The following EYS variants were observed in gnomAD, a reference collection of about 807,000 sequenced individuals.
EYS encodes the protein protein eyes shut homolog.
A neutral mutation model predicts 282.1 loss-of-function variants in EYS; 250 were observed. The ratio of observed to expected loss-of-function variants is 0.89; its 90% CI spans 0.80 to 0.98. The LOEUF is 0.98. EYS is among the 50% of genes least tolerant of loss of function. The pLI is 0.00. For synonymous variants in EYS, 1,355 were observed against 1,282.9 expected, an observed-to-expected ratio of 1.06 and a Z score of -1.20; for missense variants, 4,016 against 3,709.0, an observed-to-expected ratio of 1.08 and a Z score of -2.15.
intron 13 of EYS, among the ~76,000 whole-genome samples, chr6:65,008,463 TA>T (rs34508454): frequency 0.26 from 39,567 of 151,086 alleles, 6,370 homozygotes; most frequent in African/African-American, 0.44. Flanking sequence ...ACAAATGGGA[TA>T]AAAAAAAAGG....
intron 2 of EYS, among the ~76,000 whole-genome samples, chr6:65,538,591 G>A (rs1221550238): frequency 6.6e-6 from 1 of 152,076 alleles, no homozygotes; most frequent in Non-Finnish European, 1.5e-5. Flanking sequence ...AGGTAATTAA[G>A]CAGAGAATGT....
intron 26 of EYS, among the ~76,000 whole-genome samples, chr6:64,588,568 T>G (rs944511374): frequency 2.0e-5 from 3 of 152,078 alleles, no homozygotes; most frequent in African/African-American, 7.2e-5. Flanking sequence ...ACCTAGAAGC[T>G]TTCCATTTTA....
At chr6:65,266,779 A>G (rs1318999228) in intron 12 of EYS, among the ~76,000 whole-genome samples, 1 of 151,574 alleles carries the variant, frequency 6.6e-6, no homozygotes, top group Admixed American at 6.6e-5. Context: ...AAAAATTTTC[A>G]GTGTTAATTT....
intron 32 of EYS, among the ~76,000 whole-genome samples, chr6:64,068,586 C>T (rs1771461528): frequency 6.6e-6 from 1 of 151,892 alleles, no homozygotes; most frequent in South Asian, 2.1e-4. Context: ...GTGCAGCACA[C>T]CATCGCACAT....
chr6:64,708,121 T>C (rs766366986), intron 22 of EYS, among the ~76,000 whole-genome samples: 1 of 152,188 alleles, frequency 6.6e-6, no homozygotes, highest in Non-Finnish European at 1.5e-5. Flanking sequence ...CAAGTGTAAG[T>C]ATAAGATGTG....
chr6:63,762,494 G>T lies in EYS; in HGVS notation c.8038C>A (p.Pro2680Thr), dbSNP rs757929455. 5.8e-6 allele frequency: 9 copies of T among 1,550,154 alleles called. No individual in the cohort carries two copies. In the South Asian group the frequency reaches 8.3e-5, roughly 14 times the overall value. Reference protein sequence around the residue: ...SLPHGYTCFCPLGTTGIYCEQ... With the variant: ...SLPHGYTCFCTLGTTGIYCEQ... Reference sequence around the variant, plus strand: ...CAGTAGATTCCAGTGGTTCCTAGAGGACAGAAACAGGTGTATCCATGAGGT... The same window carrying T: ...CAGTAGATTCCAGTGGTTCCTAGAGTACAGAAACAGGTGTATCCATGAGGT... Residue 2680 changes from proline to threonine, a missense_variant, in exon 41 of 43, where the codon CCT becomes ACT. By Grantham distance (38) the Pro-to-Thr change is conservative. Transcript: ENST00000503581.
At chr6:65,154,963 C>T (rs1320200348) in intron 12 of EYS, among the ~76,000 whole-genome samples, 1 of 151,256 alleles carries the variant, frequency 6.6e-6, no homozygotes, top group Admixed American at 6.6e-5. Flanking sequence ...AATTAAAATG[C>T]CATAAGTTAA....
chr6:64,055,156 C>T (rs1770937670), intron 33 of EYS, among the ~76,000 whole-genome samples: 2 of 152,132 alleles, frequency 1.3e-5, no homozygotes, highest in African/African-American at 4.8e-5. Context: ...AAGCAAGAAC[C>T]TTCAAAGACA....
chr6:64,902,006 A>G (rs1767681848), intron 18 of EYS, 107 bp downstream of exon 18: 1 of 697,448 alleles, frequency 1.4e-6, no homozygotes, highest in South Asian at 1.9e-5. Context: ...GCACAAATGT[A>G]TCAGTGGTGA....
intron 31 of EYS, among the ~76,000 whole-genome samples, chr6:64,109,529 G>T (rs1773138744): frequency 6.6e-6 from 1 of 151,988 alleles, no homozygotes; most frequent in African/African-American, 2.4e-5. Flanking sequence ...CTCATGCACT[G>T]GAAATAATCA....
chr6:64,108,504 C>A (rs1275252415), intron 31 of EYS, among the ~76,000 whole-genome samples: 2 of 127,668 alleles, frequency 1.6e-5, no homozygotes, highest in African/African-American at 6.4e-5. Flanking sequence ...AAGTCCACTA[C>A]TGCTTTTTTT....
At chr6:63,897,159 A>G (rs1407397317) in intron 35 of EYS, among the ~76,000 whole-genome samples, 7 of 152,178 alleles carry the variant, frequency 4.6e-5, no homozygotes. Context: ...CCTTCCAATT[A>G]CCTTCAATGA....
intron 33 of EYS, among the ~76,000 whole-genome samples, chr6:64,044,594 A>T (rs1770536041): frequency 6.6e-6 from 1 of 152,208 alleles, no homozygotes; most frequent in African/African-American, 2.4e-5. Context: ...TAATGTAGTT[A>T]TGAAAATGTA....
intron 33 of EYS, among the ~76,000 whole-genome samples, chr6:64,001,634 A>T (rs1768098086): frequency 6.6e-6 from 1 of 152,236 alleles, no homozygotes; most frequent in Non-Finnish European, 1.5e-5. Context: ...AAGGTAAAAA[A>T]AGAAGAGTTC....
chr6:64,720,240 T>G (rs1771532113), intron 22 of EYS, among the ~76,000 whole-genome samples: 1 of 152,186 alleles, frequency 6.6e-6, no homozygotes, highest in South Asian at 2.1e-4. Context: ...CATCTTCACA[T>G]CCTTCTCTAA....
intron 33 of EYS, among the ~76,000 whole-genome samples, chr6:64,053,006 C>T (rs1770864410): frequency 6.6e-6 from 1 of 152,098 alleles, no homozygotes; most frequent in African/African-American, 2.4e-5. Flanking sequence ...ATGGCAAATA[C>T]ATTAAAATTT....
chr6:64,711,735 A>G (rs1326974138), intron 22 of EYS, among the ~76,000 whole-genome samples: 1 of 152,214 alleles, frequency 6.6e-6, no homozygotes, highest in Non-Finnish European at 1.5e-5. Context: ...GCTATTCTAA[A>G]TACGCTATGC....
intron 26 of EYS, among the ~76,000 whole-genome samples, chr6:64,572,176 G>T (rs1230831073): frequency 6.6e-6 from 1 of 152,026 alleles, no homozygotes; most frequent in African/African-American, 2.4e-5. Context: ...AACAAAAACT[G>T]CATGATTATT....
intron 27 of EYS, 83 bp from the exon 28 acceptor site, chr6:64,436,348 A>G: frequency 1.4e-6 from 1 of 709,140 alleles, no homozygotes; most frequent in South Asian, 1.9e-5. Context: ...TTTATTATTT[A>G]TCAATATATT....
Sources: gnomAD v4.1 joint callset for allele counts (sites outside exome capture counted in the v4.1 genomes callset) on GRCh38, gnomAD v4.1.1 for gene constraint, MANE v1.5 for transcripts, NCBI Gene and HGNC (gene_info 2026-07-23, HGNC 2026-07-21) for gene names.